Variants in MCTP1 observed in about 807,000 individuals in gnomAD.
The protein encoded by MCTP1 is multiple C2 and transmembrane domain containing 1.
MCTP1 carries 69 observed loss-of-function variants against 120.6 expected under a neutral mutation model. The ratio of observed to expected loss-of-function variants is 0.57; its 90% CI spans 0.47 to 0.70. MCTP1 has a LOEUF of 0.70. MCTP1 is among the 30% of genes least tolerant of loss of function. The pLI, the probability that MCTP1 is intolerant of heterozygous loss-of-function variation, is 0.00. For missense variants in MCTP1, 1,203 were observed against 1,248.8 expected (o/e 0.96, Z 0.55); for synonymous variants, 529 against 493.1 (o/e 1.07, Z -0.96).
intron 20 of MCTP1, among the ~76,000 whole-genome samples, chr5:94,712,976 T>A (rs964644956): frequency 1.3e-5 from 2 of 151,976 alleles, no homozygotes; most frequent in Non-Finnish European, 2.9e-5. Flanking sequence ...AGTGTAGCTG[T>A]TAGAAAAAAT....
At chr5:95,246,488 A>AT (rs1268232928) in intron 1 of MCTP1, among the ~76,000 whole-genome samples, 1 of 152,180 alleles carries the variant, frequency 6.6e-6, no homozygotes, top group African/African-American at 2.4e-5. Context: ...AGCAAAAAAA[A>AT]AATAAAAAGC....
At chr5:95,038,178 C>G in intron 1 of MCTP1, 1 of 901,692 alleles carries the variant, frequency 1.1e-6, no homozygotes, top group Non-Finnish European at 1.3e-6. Flanking sequence ...GTTATTCCTT[C>G]CAGGTATAAC....
intron 21 of MCTP1, 24 bp downstream of exon 21, chr5:94,710,794 G>A (rs1013677221): frequency 2.0e-6 from 3 of 1,477,818 alleles, no homozygotes; most frequent in Non-Finnish European, 2.8e-6. Context: ...GACAGTTTGG[G>A]GGAGTGGGGG....
chr5:95,000,731 C>T (rs1208947285), intron 2 of MCTP1, among the ~76,000 whole-genome samples: 3 of 151,992 alleles, frequency 2.0e-5, no homozygotes, highest in Non-Finnish European at 4.4e-5. Context: ...AAAAAGATTA[C>T]AATGAGCAAA....
chr5:95,201,209 A>G (rs1750971872), intron 1 of MCTP1, among the ~76,000 whole-genome samples: 1 of 152,178 alleles, frequency 6.6e-6, no homozygotes, highest in African/African-American at 2.4e-5. Context: ...TTGCTAGTCA[A>G]AGTGTGGTTC....
At chr5:95,046,111 T>C (rs896724905) in intron 1 of MCTP1, among the ~76,000 whole-genome samples, 5 of 152,184 alleles carry the variant, frequency 3.3e-5, no homozygotes, top group African/African-American at 1.2e-4. Flanking sequence ...AACTTTGCAT[T>C]GTGAGCCGAT....
chr5:94,776,059 A>G (rs1469299962), intron 19 of MCTP1, among the ~76,000 whole-genome samples: 2 of 151,110 alleles, frequency 1.3e-5, no homozygotes, highest in Non-Finnish European at 2.9e-5. Context: ...ACCAACTTTA[A>G]CCAAAGTCTT....
chr5:95,093,555 A>T lies in MCTP1; in HGVS notation c.721-76071T>A, dbSNP rs143684547. Among the ~76,000 whole-genome samples, 121 of 152,226 alleles carry T rather than the reference A, an allele frequency of 7.9e-4. 2 individuals carry two copies. Among genetic ancestry groups the T allele is most frequent in the African/African-American group, 2.8e-3 (118 of 41,536 alleles). ...CTAAACTTCATTTGGACCTTAGATG[A>T]TACTATGTTTCAAGCAGATGTTTAG... On this transcript the variant is annotated intron_variant, in intron 1 of 22. Transcript: ENST00000515393.
Position 95,017,449 on chromosome 5 carries a change from T to A in MCTP1, c.756A>T (p.Glu252Asp). Reference protein sequence around the residue: ...IINTAGTSNAEVPLADPGMYQ... With the variant: ...IINTAGTSNADVPLADPGMYQ... ...ACATTCCGGGATCAGCCAAGGGGAC[T>A]TCTGCATTACTGGTTCCAGCAGTGT... Residue 252 changes from glutamate (E) to aspartate (D), a missense_variant, in exon 2 of 23, where the codon GAA (glutamate) becomes GAT (aspartate). Glu to Asp is a conservative substitution (Grantham distance 45, BLOSUM62 2). This residue lies in a region of MCTP1 where 463 missense variants were observed against 377.8 expected (regional missense o/e 1.23). Transcript: ENST00000515393. The A allele has an allele frequency of 1.2e-6, 2 of 1,609,770 alleles. No homozygotes were observed. Among genetic ancestry groups the A allele is most frequent in the Non-Finnish European group, 1.7e-6 (2 of 1,177,384 alleles).
chr5:94,815,123 C>T (rs1784250874), intron 17 of MCTP1, among the ~76,000 whole-genome samples: 2 of 152,138 alleles, frequency 1.3e-5, no homozygotes, highest in Non-Finnish European at 2.9e-5. Flanking sequence ...TTGTTTTTCT[C>T]AATATATTAC....
chr5:95,135,104 T>A (rs1371785056), intron 1 of MCTP1, among the ~76,000 whole-genome samples: 1 of 143,990 alleles, frequency 6.9e-6, no homozygotes. Flanking sequence ...AGTATTTCAC[T>A]AGATCAGGCA....
chr5:94,934,002 T>G (rs900066143), intron 5 of MCTP1, among the ~76,000 whole-genome samples: 4 of 151,842 alleles, frequency 2.6e-5, no homozygotes, highest in Non-Finnish European at 4.4e-5. Context: ...ATTTTCCTAA[T>G]TCAGTATCTA....
intron 1 of MCTP1, among the ~76,000 whole-genome samples, chr5:95,244,006 T>C (rs1756464940): frequency 1.3e-5 from 2 of 152,226 alleles, no homozygotes; most frequent in Non-Finnish European, 1.5e-5. Flanking sequence ...TAGAAAATCA[T>C]CTCTAGGATG....
chr5:95,180,438 T>C (rs1748473931), intron 1 of MCTP1, among the ~76,000 whole-genome samples: 1 of 152,264 alleles, frequency 6.6e-6, no homozygotes, highest in Non-Finnish European at 1.5e-5. Flanking sequence ...CTTGACCTCT[T>C]AGGAGCATTT....
chr5:95,174,041 T>C (rs1747670873), intron 1 of MCTP1, among the ~76,000 whole-genome samples: 1 of 151,788 alleles, frequency 6.6e-6, no homozygotes, highest in Non-Finnish European at 1.5e-5. Context: ...AATTAAAGGG[T>C]CAATCAAGAA....
chr5:94,894,530 A>T, intron 11 of MCTP1, 119 bp downstream of exon 11: 1 of 691,716 alleles, frequency 1.4e-6, no homozygotes, highest in South Asian at 3.4e-5. Flanking sequence ...TCAGCTTTTT[A>T]CTTGTGCCAA....
chr5:94,796,604 T>A (rs561024267), intron 18 of MCTP1, among the ~76,000 whole-genome samples: 2 of 89,766 alleles, frequency 2.2e-5, no homozygotes, highest in East Asian at 5.8e-4. Flanking sequence ...CACATATATA[T>A]AATATATATA....
At chr5:95,207,725 T>C (rs1293267774) in intron 1 of MCTP1, among the ~76,000 whole-genome samples, 2 of 152,000 alleles carry the variant, frequency 1.3e-5, no homozygotes, top group Non-Finnish European at 2.9e-5. Flanking sequence ...ACATAGTAGG[T>C]TCTCAATAAA....
chr5:94,743,814 T>C (rs1170517539), intron 19 of MCTP1, among the ~76,000 whole-genome samples: 4 of 151,686 alleles, frequency 2.6e-5, no homozygotes, highest in African/African-American at 9.7e-5. Flanking sequence ...ATTTTTTGTA[T>C]ATTTTTAGTA....
Sources: gnomAD v4.1 joint callset for allele counts (sites outside exome capture counted in the v4.1 genomes callset) on GRCh38, gnomAD v4.1.1 for gene constraint, gnomAD v4.1.1 regional missense constraint, MANE v1.5 for transcripts, NCBI Gene and HGNC (gene_info 2026-07-23, HGNC 2026-07-21) for gene names.